NFYC: variants seen among roughly 807,000 people sequenced by gnomAD.
NFYC encodes the protein CAAT box DNA-binding protein subunit C.
In NFYC, 25 loss-of-function variants were observed where a neutral mutation model predicts 53.1. The ratio of observed to expected loss-of-function variants is 0.47; its 90% CI spans 0.34 to 0.66. NFYC has a LOEUF of 0.66. Ranked by LOEUF, NFYC falls within the 30% of genes least tolerant of loss-of-function variation. The probability of loss-of-function intolerance (pLI) is 0.01; values close to 1 mark genes in which losing one functional copy is unlikely to be tolerated. For synonymous variants in NFYC, 145 were observed against 152.6 expected, an observed-to-expected ratio of 0.95 and a Z score of 0.37; for missense variants, 260 against 422.7, an observed-to-expected ratio of 0.62 and a Z score of 3.38.
intron 2 of NFYC, among the ~76,000 whole-genome samples, chr1:40,745,267 T>C (rs1645551901): frequency 6.6e-6 from 1 of 152,198 alleles, no homozygotes; most frequent in Admixed American, 6.5e-5. Context: ...TTGTACAAAT[T>C]ATATTTAAAA....
chr1:40,742,970 G>A (rs941443709), intron 2 of NFYC, among the ~76,000 whole-genome samples: 3 of 152,144 alleles, frequency 2.0e-5, no homozygotes, highest in Non-Finnish European at 2.9e-5. Flanking sequence ...ATGTGTCAGA[G>A]CCTCTTAGGT....
At chr1:40,728,372 G>A (rs925932233) in intron 1 of NFYC, among the ~76,000 whole-genome samples, 25 of 151,984 alleles carry the variant, frequency 1.6e-4, no homozygotes, top group Non-Finnish European at 3.1e-4. Context: ...TGAGGCGGGC[G>A]GATTACTTGA....
At position 40,766,643 on chromosome 1, in the gene NFYC, T is replaced by C. The variant is rs1646824905; in HGVS notation, c.768T>C (p.Pro256=). 6.2e-7 allele frequency: 1 copy of C among 1,614,152 alleles called. No individual in the cohort carries two copies. Among genetic ancestry groups the C allele is most frequent in the East Asian group, 2.2e-5 (1 of 44,874 alleles). The change falls in exon 8 of 10, where the codon CCT becomes CCC. Residue 256 remains proline, a synonymous_variant. Coordinates refer to ENST00000447388, the MANE Select transcript of NFYC (RefSeq NM_014223.5). ...TGCAGTATATCCGCTTAGCCCAGCC[T>C]GTATCAGGCACTCAAGTTGTGCAGG... The part of the protein sequence containing the change: ...GQLQYIRLAQ[P]VSGTQVVQGQ...
In NFYC at chr1:40,770,846, G is replaced by A. The variant is rs753534677; in HGVS notation, c.*18G>A. ...GCGACTGAGGGCCTGAGCTGGCAAG[G>A]CCAAGGACACCCAACACAATTTTTG... On this transcript the variant is annotated 3_prime_UTR_variant, in exon 10 of 10. Coordinates refer to ENST00000447388, the MANE Select transcript of NFYC (RefSeq NM_014223.5). The surrounding 1 kb of genome is among the most constrained non-coding windows in gnomAD (Gnocchi z 5.3). The A allele has an allele frequency of 3.1e-6, 5 of 1,604,144 alleles. No homozygotes were observed. The highest frequency in any genetic ancestry group is 2.2e-5 in the East Asian group (1 of 44,862).
intron 1 of NFYC, chr1:40,735,612 C>T (rs1007982622): frequency 1.1e-4 from 113 of 985,284 alleles, no homozygotes; most frequent in Non-Finnish European, 1.4e-4. Context: ...TCTTTGTACT[C>T]CAACTAAACC....
intron 2 of NFYC, 88 bp from the exon 3 acceptor site, chr1:40,747,446 C>A: frequency 1.1e-6 from 1 of 869,692 alleles, no homozygotes; most frequent in Non-Finnish European, 1.9e-6. Flanking sequence ...AGAGAGGGAC[C>A]AAGCCAGAGT....
At chr1:40,731,344 T>C (rs914608585) in intron 1 of NFYC, among the ~76,000 whole-genome samples, 1 of 151,482 alleles carries the variant, frequency 6.6e-6, no homozygotes, top group African/African-American at 2.4e-5. Flanking sequence ...CTGGCTAATT[T>C]TTGTATTTTT....
chr1:40,744,231 C>T (rs753989332), intron 2 of NFYC, among the ~76,000 whole-genome samples: 13 of 152,220 alleles, frequency 8.5e-5, no homozygotes, highest in Non-Finnish European at 2.9e-5. Flanking sequence ...TTATGAGAAT[C>T]TAATGCCCAC....
intron 1 of NFYC, among the ~76,000 whole-genome samples, chr1:40,727,672 A>C (rs1409944739): frequency 6.6e-6 from 1 of 151,444 alleles, no homozygotes; most frequent in African/African-American, 2.4e-5. Flanking sequence ...CTGGGATTTC[A>C]GGCCCACACC....
intron 1 of NFYC, among the ~76,000 whole-genome samples, chr1:40,693,005 G>A (rs1163444443): frequency 6.6e-6 from 1 of 152,158 alleles, no homozygotes; most frequent in East Asian, 1.9e-4. Flanking sequence ...TTAGGTAGTT[G>A]GTAGTTATTT....
chr1:40,732,299 G>C (rs1479208895), intron 1 of NFYC, among the ~76,000 whole-genome samples: 1 of 152,200 alleles, frequency 6.6e-6, no homozygotes, highest in African/African-American at 2.4e-5. Flanking sequence ...AGGTCATATT[G>C]CAATAAAACC....
At chr1:40,763,220 ATG>A (rs1646643656) in intron 7 of NFYC, 174 bp downstream of exon 7, 6 of 498,654 alleles carry the variant, frequency 1.2e-5, no homozygotes, top group South Asian at 7.4e-5. Context: ...TGATATATAT[ATG>A]TATGTCTCTA....
rs1432988495 is a variant in NFYC at position 40,762,890 on chromosome 1, C to T, written c.564C>T (p.Thr188=). Residue 188 remains threonine, a splice_region_variant and synonymous_variant, in exon 7 of 10, where the codon ACC becomes ACT. Transcript: ENST00000447388. ...IIIAQPQQGQ[T]TPVTMQVGEG... is the part of the protein sequence containing the mutation. ...ATTCTCATAACTCTTCCTTTCAGAC[C>T]ACACCTGTGACAATGCAGGTTGGAG... The T allele has an allele frequency of 6.3e-7, 1 of 1,595,630 alleles. No individual in the cohort carries two copies. The highest frequency in any genetic ancestry group is 1.3e-5 in the African/African-American group (1 of 74,196).
In NFYC at chr1:40,771,173, T is replaced by G. The variant is rs1485902808; in HGVS notation, c.*345T>G. ...TTTCTCCTTTTGTTTTTCTTTTTTT[T>G]TTGTTTGTTACTGCCACTTCTTTTT... On this transcript the variant is annotated 3_prime_UTR_variant, in exon 10 of 10. Coordinates refer to ENST00000447388, the MANE Select transcript of NFYC (RefSeq NM_014223.5). 3.8e-5 allele frequency: 13 copies of G among 343,680 alleles called. No homozygotes were observed. Among genetic ancestry groups the G allele is most frequent in the South Asian group, 1.9e-4 (6 of 31,204 alleles). The allele number at this position is 343,680 out of a possible 1,614,324, so 21.3% of individuals were successfully genotyped here. A position where few individuals can be genotyped will look rare whatever the true frequency, so the allele number is the denominator to read the frequency against.
intron 3 of NFYC, among the ~76,000 whole-genome samples, chr1:40,747,841 GTTTTTTTTT>G: frequency 7.3e-6 from 1 of 136,996 alleles, no homozygotes; most frequent in Non-Finnish European, 1.6e-5. Context: ...TTGATGTTGG[GTTTTTTTTT>G]TTTTTTTGAG....
intron 1 of NFYC, among the ~76,000 whole-genome samples, chr1:40,698,184 G>A (rs1042043853): frequency 6.6e-6 from 1 of 152,002 alleles, no homozygotes; most frequent in Non-Finnish European, 1.5e-5. Flanking sequence ...CCAATATGGT[G>A]AAACTCCGTT....
intron 1 of NFYC, among the ~76,000 whole-genome samples, chr1:40,695,332 G>T (rs888456784): frequency 6.6e-6 from 1 of 152,172 alleles, no homozygotes; most frequent in Non-Finnish European, 1.5e-5. Context: ...AAGGCAAAGC[G>T]AAATGAGGAT....
chr1:40,730,568 A>C (rs1239155067), intron 1 of NFYC: 1 of 985,278 alleles, frequency 1.0e-6, no homozygotes, highest in African/African-American at 1.7e-5. Flanking sequence ...ACAGAGGAAG[A>C]TATGATCAAA....
chr1:40,693,394 T>G lies in NFYC; in HGVS notation c.-9+1527T>G, dbSNP rs376736020. ...AACACATTTATGTTAAACATCTGTG[T>G]TTTCCTAATTTGTTTTTCCTTGTTT... On this transcript the variant is annotated intron_variant, in intron 1 of 9. Transcript: ENST00000447388. 1.4e-3 allele frequency among the ~76,000 whole-genome samples: 216 copies of G among 152,318 alleles called. 4 individuals carry two copies. In the South Asian group the frequency reaches 0.023, roughly 17 times the overall value.
Sources: allele counts gnomAD v4.1 joint callset (sites outside exome capture counted in the v4.1 genomes callset), GRCh38; gene constraint gnomAD v4.1.1; non-coding constraint Gnocchi (gnomAD v3.1); transcripts MANE v1.5; gene names NCBI Gene and HGNC (gene_info 2026-07-23, HGNC 2026-07-21).